Variants in OR10G7 observed in about 807,000 individuals in gnomAD.
OR10G7 encodes the protein olfactory receptor 10G7.
For missense variants in OR10G7, 338 were observed against 382.1 expected (o/e 0.88, Z 0.96); for synonymous variants, 165 against 167.4 (o/e 0.99, Z 0.11).
Position 124,038,197 on chromosome 11 carries a change from C to A in OR10G7, c.805G>T (p.Gly269Trp), listed in dbSNP as rs927624601. The change falls in exon 2 of 2, where the codon GGG (glycine) becomes TGG (tryptophan). Residue 269 changes from glycine to tryptophan, a missense_variant. By Grantham distance (184) the Gly-to-Trp change is radical. Coordinates refer to ENST00000641585, the MANE Select transcript of OR10G7 (RefSeq NM_001004463.2). ...LRPGSRDALH[G>W]VVAVFYTTLT... ...GTGGTGTAGAAAACGGCCACAACCC[C>A]ATGCAAGGCGTCCCTGGAGCCTGGC... 1.2e-6 allele frequency: 2 copies of A among 1,614,062 alleles called. No individual in the cohort carries two copies. Among genetic ancestry groups the A allele is most frequent in the African/African-American group, 2.7e-5 (2 of 74,960 alleles).
intron 1 of OR10G7, 140 bp from the exon 2 acceptor site, chr11:124,039,161 G>C: frequency 1.1e-6 from 1 of 881,702 alleles, no homozygotes; most frequent in Non-Finnish European, 1.7e-6. Flanking sequence ...CTTCAGTATA[G>C]GTCTTTGAAG....
intron 1 of OR10G7, among the ~76,000 whole-genome samples, chr11:124,039,451 C>T (rs777580564): frequency 6.6e-6 from 1 of 152,132 alleles, no homozygotes; most frequent in Non-Finnish European, 1.5e-5. Context: ...CACACACACA[C>T]ACACTTTCAC....
chr11:124,039,875 T>C (rs575002168), intron 1 of OR10G7, among the ~76,000 whole-genome samples: 4 of 152,218 alleles, frequency 2.6e-5, no homozygotes, highest in African/African-American at 9.6e-5. Flanking sequence ...CTTATGAGAA[T>C]CTAACTAAGA....
rs774780147 is a variant in OR10G7, at chr11:124,038,296, C to G, written c.706G>C (p.Ala236Pro). The change falls in exon 2 of 2, where the codon GCC becomes CCC. Residue 236 changes from alanine (A) to proline (P), a missense_variant. By Grantham distance (27) the Ala-to-Pro change is conservative. Coordinates refer to ENST00000641585, the MANE Select transcript of OR10G7 (RefSeq NM_001004463.2). ...CAGTGGGAGGCACAGGTCTGAAAGG[C>G]TCTGTGCCTCCCCTCTGAGGTGCGG... ...RIRTSEGRHR[A>P]FQTCASHCIV... The G allele has an allele frequency of 6.2e-7, 1 of 1,614,110 alleles. No homozygotes were observed. Among genetic ancestry groups the G allele is most frequent in the Non-Finnish European group, 8.5e-7 (1 of 1,180,038 alleles).
At position 124,039,011 on chromosome 11, in the gene OR10G7, T is replaced by C. The variant is rs756217204; in HGVS notation, c.-10A>G. 8 of 1,610,542 alleles carry C rather than the reference T, an allele frequency of 5.0e-6. No homozygotes were observed. In the Admixed American group the frequency reaches 8.3e-5, roughly 17 times the overall value. The stretch of plus-strand genomic sequence containing the variant: ...GGGTGGCGTTGGACATTTCTTCTCA[T>C]ATATGGGGCTCTGTTCTTACAGAAA... On this transcript the variant is annotated 5_prime_UTR_variant, in exon 2 of 2. The change creates a new upstream start codon in the 5' untranslated region. Coordinates refer to ENST00000641585, the MANE Select transcript of OR10G7 (RefSeq NM_001004463.2).
chr11:124,037,999 T>C lies in OR10G7; in HGVS notation c.*67A>G. ...GAAATGCTCCATTCAAGTATAATGC[T>C]TATGTTGAAGGTTTAATTTAATTAC... On this transcript the variant is annotated 3_prime_UTR_variant, in exon 2 of 2. Transcript: ENST00000641585. The C allele has an allele frequency of 2.0e-6, 2 of 1,012,132 alleles. No individual in the cohort carries two copies. The highest frequency in any genetic ancestry group is 2.9e-6 in the Non-Finnish European group (2 of 692,550). 62.7% of individuals were successfully genotyped at this position (1,012,132 alleles called of 1,614,324 possible).
chr11:124,039,711 A>T (rs1021832806), intron 1 of OR10G7, among the ~76,000 whole-genome samples: 1 of 152,110 alleles, frequency 6.6e-6, no homozygotes, highest in African/African-American at 2.4e-5. Flanking sequence ...ATGGCCTGTT[A>T]GGAACCAGTC....
rs550918442 is a variant in OR10G7, at chr11:124,038,759, C to T, written c.243G>A (p.Met81Ile). The T allele has an allele frequency of 3.1e-6, 5 of 1,614,032 alleles. No homozygotes were observed. The South Asian group carries it at 5.5e-5, about 18-fold the overall frequency. ...FSTVTVPKML[M>I]TLVSPSGRTI... Reference sequence around the variant, plus strand: ...TCCTGCCGCTTGGGGACACCAAGGTCATCAGCATTTTGGGCACCGTGACAG... The same window carrying T: ...TCCTGCCGCTTGGGGACACCAAGGTTATCAGCATTTTGGGCACCGTGACAG... Residue 81 changes from methionine to isoleucine, a missense_variant, in exon 2 of 2, where the codon ATG becomes ATA. Met to Ile is a conservative substitution (Grantham distance 10, BLOSUM62 1). Transcript: ENST00000641585.
intron 1 of OR10G7, among the ~76,000 whole-genome samples, chr11:124,039,247 A>G (rs1864224622): frequency 6.6e-6 from 1 of 152,120 alleles, no homozygotes; most frequent in African/African-American, 2.4e-5. Flanking sequence ...AAAATCAGCC[A>G]AATTTTGAAA....
Position 124,038,424 on chromosome 11 carries a change from G to T in OR10G7, c.578C>A (p.Ala193Asp). Reference protein sequence around the residue: ...ILKLACADTSANEMVIFVNIG... With the variant: ...ILKLACADTSDNEMVIFVNIG... ...ATTCACAAAGATGACCATCTCGTTG[G>T]CTGAGGTGTCTGCACAGGCCAGTTT... is the stretch of plus-strand genomic sequence containing the variant. The change falls in exon 2 of 2, where the codon GCC becomes GAC. Residue 193 changes from alanine (A) to aspartate (D), a missense_variant. Transcript: ENST00000641585. 6.2e-7 allele frequency: 1 copy of T among 1,613,946 alleles called. No homozygotes were observed.
chr11:124,040,156 A>G (rs976902753), intron 1 of OR10G7, among the ~76,000 whole-genome samples: 1 of 152,124 alleles, frequency 6.6e-6, no homozygotes, highest in African/African-American at 2.4e-5. Flanking sequence ...TTCTCTTTCT[A>G]AAGTATGATC....
chr11:124,039,268 AT>A (rs1864224737), intron 1 of OR10G7, among the ~76,000 whole-genome samples: 3 of 152,084 alleles, frequency 2.0e-5, no homozygotes, highest in Admixed American at 2.0e-4. Flanking sequence ...AGAAGAACAA[AT>A]TTTGTATCCT....
In OR10G7 at chr11:124,038,455, T is replaced by C. The variant is rs1369935788; in HGVS notation, c.547A>G (p.Ile183Val). ...GTGTCTGCACAGGCCAGTTTCAGGA[T>C]GGGCGGTGCGTCACAGAAGTAGTGC... ...IQHYFCDAPPILKLACADTSA... is the reference protein window; with the variant it reads ...IQHYFCDAPPVLKLACADTSA... Residue 183 changes from isoleucine to valine, a missense_variant, in exon 2 of 2, where the codon ATC (isoleucine) becomes GTC (valine). Ile to Val is a conservative substitution (Grantham distance 29, BLOSUM62 3). Coordinates refer to ENST00000641585, the MANE Select transcript of OR10G7 (RefSeq NM_001004463.2). 6.2e-7 allele frequency: 1 copy of C among 1,613,850 alleles called. No individual in the cohort carries two copies. The highest frequency in any genetic ancestry group is 1.1e-5 in the South Asian group (1 of 91,070).
intron 1 of OR10G7, among the ~76,000 whole-genome samples, chr11:124,040,568 T>TG (rs200920182): frequency 0.016 from 2,424 of 151,674 alleles, 75 homozygotes; most frequent in African/African-American, 0.049. Context: ...ACATTTTTTG[T>TG]GGGGGGGGCT....
chr11:124,039,773 G>C (rs773761987), intron 1 of OR10G7, among the ~76,000 whole-genome samples: 1 of 152,104 alleles, frequency 6.6e-6, no homozygotes, highest in South Asian at 2.1e-4. Flanking sequence ...CCTGAGCCCC[G>C]CTTCCTGTCA....
intron 1 of OR10G7, among the ~76,000 whole-genome samples, chr11:124,039,780 G>C (rs1490766817): frequency 6.6e-6 from 1 of 152,168 alleles, no homozygotes; most frequent in Non-Finnish European, 1.5e-5. Context: ...CCCGCTTCCT[G>C]TCACGTCAGC....
At chr11:124,039,676 C>G (rs1008164675) in intron 1 of OR10G7, among the ~76,000 whole-genome samples, 3 of 152,066 alleles carry the variant, frequency 2.0e-5, no homozygotes, top group Admixed American at 6.5e-5. Flanking sequence ...TCCTCAAACT[C>G]CAGGTCAGGG....
rs1389641661 is a variant in OR10G7, at chr11:124,038,397, A to T, written c.605T>A (p.Ile202Asn). The change falls in exon 2 of 2, where the codon ATT (isoleucine) becomes AAT (asparagine). Residue 202 changes from isoleucine to asparagine, a missense_variant. Transcript: ENST00000641585. ...AAAGCAGCCCGAGGCCACTAGCCCA[A>T]TATTCACAAAGATGACCATCTCGTT... The part of the protein sequence containing the change: ...SANEMVIFVN[I>N]GLVASGCFVL... 6.2e-7 allele frequency: 1 copy of T among 1,613,972 alleles called. No individual in the cohort carries two copies. The highest frequency in any genetic ancestry group is 1.7e-5 in the Admixed American group (1 of 59,994).
At position 124,040,880 on chromosome 11, in the gene OR10G7, A is replaced by G. The variant is rs1407200479; in HGVS notation, c.-21+6T>C. The G allele has an allele frequency of 6.6e-6, 1 of 152,148 alleles. No individual in the cohort carries two copies. Among genetic ancestry groups the G allele is most frequent in the African/African-American group, 2.4e-5 (1 of 41,398 alleles). The allele number at this position is 152,148 out of a possible 1,614,324, so 9.4% of individuals were successfully genotyped here. On this transcript the variant is annotated splice_donor_region_variant and intron_variant, in intron 1 of 1. Transcript: ENST00000641585. ...TGCTGAAGTGTTGCCAATTTTTGCT[A>G]CTTACCAATTTTACAACTAGGTTTT... is the stretch of plus-strand genomic sequence containing the variant.
Sources: allele counts gnomAD v4.1 joint callset (sites outside exome capture counted in the v4.1 genomes callset), GRCh38; gene constraint gnomAD v4.1.1; transcripts MANE v1.5; gene names NCBI Gene and HGNC (gene_info 2026-07-23, HGNC 2026-07-21).